Variants in ADAM2 observed in about 807,000 individuals in gnomAD.
ADAM2 encodes the protein disintegrin and metalloproteinase domain-containing protein 2.
In ADAM2, 101 loss-of-function variants were observed where a neutral mutation model predicts 99.3. The observed-to-expected ratio is 1.02, with a 90% CI of 0.87 to 1.20. The LOEUF is 1.20. ADAM2 is among the 50% of genes most tolerant of loss of function. The pLI is 0.00. For synonymous variants in ADAM2, 323 were observed against 287.6 expected, an observed-to-expected ratio of 1.12 and a Z score of -1.25; for missense variants, 948 against 878.7, an observed-to-expected ratio of 1.08 and a Z score of -1.00.
intron 11 of ADAM2, among the ~76,000 whole-genome samples, chr8:39,775,959 A>G (rs1428574397): frequency 1.3e-5 from 2 of 152,106 alleles, no homozygotes; most frequent in African/African-American, 4.8e-5. Flanking sequence ...CCAATAGCCC[A>G]TTGGAAGCTA....
intron 10 of ADAM2, among the ~76,000 whole-genome samples, chr8:39,785,421 C>T (rs527415600): frequency 6.6e-6 from 1 of 152,280 alleles, no homozygotes; most frequent in Non-Finnish European, 1.5e-5. Context: ...GTTAGGGGGA[C>T]TAGAATTAGT....
chr8:39,777,602 T>A (rs1010327366), intron 10 of ADAM2, among the ~76,000 whole-genome samples: 7 of 151,982 alleles, frequency 4.6e-5, no homozygotes, highest in African/African-American at 1.7e-4. Flanking sequence ...TTAAATAGAA[T>A]AAGGTCTAGT....
chr8:39,745,091 A>C (rs901065339), intron 19 of ADAM2, among the ~76,000 whole-genome samples, 198 bp from the exon 20 acceptor site: 5 of 152,144 alleles, frequency 3.3e-5, no homozygotes, highest in Non-Finnish European at 7.4e-5. Context: ...GCATCAGTGA[A>C]TATGAAAAAA....
intron 15 of ADAM2, among the ~76,000 whole-genome samples, chr8:39,760,722 A>G (rs1169553638): frequency 2.1e-5 from 3 of 141,770 alleles, no homozygotes; most frequent in Non-Finnish European, 4.5e-5. Context: ...CTCCTTCAAA[A>G]AAATAAAATA....
intron 15 of ADAM2, 97 bp from the exon 16 acceptor site, chr8:39,756,008 G>A (rs2129583339): frequency 1.5e-6 from 1 of 687,102 alleles, no homozygotes; most frequent in Non-Finnish European, 2.2e-6. Flanking sequence ...AGTATTCAAG[G>A]TTTGCAAGCT....
At chr8:39,798,818 T>G (rs2129586229) in intron 7 of ADAM2, among the ~76,000 whole-genome samples, 1 of 152,318 alleles carries the variant, frequency 6.6e-6, no homozygotes, top group South Asian at 2.1e-4. Flanking sequence ...CTCTCCAGTT[T>G]TTTTTGCATA....
intron 4 of ADAM2, among the ~76,000 whole-genome samples, chr8:39,822,837 C>T (rs776335070): frequency 5.9e-5 from 9 of 151,738 alleles, no homozygotes; most frequent in Non-Finnish European, 1.0e-4. Flanking sequence ...GGCGTGATCT[C>T]GGCTCACTGC....
intron 11 of ADAM2, among the ~76,000 whole-genome samples, chr8:39,773,738 T>C (rs1328473844): frequency 6.6e-6 from 1 of 151,460 alleles, no homozygotes; most frequent in East Asian, 1.9e-4. Context: ...CAAAAAGAGT[T>C]ATCCAGTTCC....
chr8:39,755,754 C>A lies in ADAM2; in HGVS notation c.1771G>T (p.Asp591Tyr). 6.2e-7 allele frequency: 1 copy of A among 1,613,120 alleles called. No homozygotes were observed. Among genetic ancestry groups the A allele is most frequent in the Non-Finnish European group, 8.5e-7 (1 of 1,179,610 alleles). The change falls in exon 16 of 21, where the codon GAT (aspartate) becomes TAT (tyrosine). Residue 591 changes from aspartate (D) to tyrosine (Y), a missense_variant. Transcript: ENST00000265708. ...TTATTTGAACCACAAGAAGTTCCAT[C>A]TTTTATCCACATCTTTTGGCTGTCT... ...HADSQKMWIK[D>Y]GTSCGSNKVC...
At chr8:39,829,160 A>G (rs1805522566) in intron 3 of ADAM2, among the ~76,000 whole-genome samples, 1 of 151,948 alleles carries the variant, frequency 6.6e-6, no homozygotes, top group Admixed American at 6.6e-5. Context: ...GAAAGGTAAA[A>G]CTAAAAATAT....
At chr8:39,783,806 G>T (rs1018267772) in intron 10 of ADAM2, among the ~76,000 whole-genome samples, 6 of 151,962 alleles carry the variant, frequency 3.9e-5, no homozygotes, top group African/African-American at 1.2e-4. Context: ...CAAACAATTA[G>T]CCAGGCATGG....
chr8:39,828,563 A>C (rs1202974387), intron 3 of ADAM2, among the ~76,000 whole-genome samples: 1 of 151,894 alleles, frequency 6.6e-6, no homozygotes, highest in Non-Finnish European at 1.5e-5. Flanking sequence ...TTCCAAAATC[A>C]TGTGAAAATT....
chr8:39,788,245 C>A lies in ADAM2; in HGVS notation c.649G>T (p.Val217Phe). 1.3e-6 allele frequency: 2 copies of A among 1,497,752 alleles called. No individual in the cohort carries two copies. Among genetic ancestry groups the A allele is most frequent in the Non-Finnish European group, 1.8e-6 (2 of 1,117,068 alleles). 92.8% of individuals were successfully genotyped at this position (1,497,752 alleles called of 1,614,324 possible). A position where few individuals can be genotyped will look rare whatever the true frequency, so the allele number is the denominator to read the frequency against. The change falls in exon 9 of 21, where the codon GTT becomes TTT. Residue 217 changes from valine (V) to phenylalanine (F), a missense_variant. Transcript: ENST00000265708. ...QLIGLTNAIF[V>F]SFNITIILSS... is the part of the protein sequence containing the mutation. ...AGAATAATTGTAATATTAAATGAAA[C>A]AAAAATCTAAAATAGAAAACATACA...
chr8:39,784,473 T>G (rs1365116690), intron 10 of ADAM2, among the ~76,000 whole-genome samples: 4 of 152,142 alleles, frequency 2.6e-5, no homozygotes, highest in Non-Finnish European at 4.4e-5. Context: ...CTTGAACTCC[T>G]AGGCTCAAGT....
In ADAM2 at chr8:39,834,004, C is replaced by T; in HGVS notation, c.133-5G>A. 2 of 1,534,962 alleles carry T rather than the reference C, an allele frequency of 1.3e-6. No homozygotes were observed. The highest frequency in any genetic ancestry group is 1.8e-6 in the Non-Finnish European group (2 of 1,115,648). On this transcript the variant is annotated splice_region_variant and splice_polypyrimidine_tract_variant and intron_variant, in intron 2 of 20. Coordinates refer to ENST00000265708, the MANE Select transcript of ADAM2 (RefSeq NM_001464.5). ...AATTACAATTTTGTAGGATGCCTGG[C>T]AGGAGAGCACAGTAAAAATACAAAG...
intron 16 of ADAM2, 144 bp from the exon 17 acceptor site, chr8:39,749,888 A>T (rs903317902): frequency 3.5e-6 from 2 of 566,416 alleles, no homozygotes; most frequent in African/African-American, 3.8e-5. Context: ...ACTAACAATG[A>T]ATAGTTAATG....
At chr8:39,824,105 G>A (rs111925945) in intron 4 of ADAM2, among the ~76,000 whole-genome samples, 31,102 of 151,792 alleles carry the variant, frequency 0.2, 3,214 homozygotes, top group African/African-American at 0.22. Context: ...CCAACATGGA[G>A]AAACCCTGTC....
intron 18 of ADAM2, among the ~76,000 whole-genome samples, chr8:39,747,757 A>G (rs1227310690): frequency 1.3e-5 from 2 of 152,136 alleles, no homozygotes; most frequent in Admixed American, 6.5e-5. Context: ...CATGAGTTCA[A>G]TTTTCCACAT....
rs183332277 is a variant in ADAM2 at position 39,793,805 on chromosome 8, G to A, written c.571-5065C>T. 7.2e-5 allele frequency among the ~76,000 whole-genome samples: 11 copies of A among 152,156 alleles called. No homozygotes were observed. In the East Asian group the frequency reaches 2.1e-3, roughly 29 times the overall value. On this transcript the variant is annotated intron_variant, in intron 7 of 20. Coordinates refer to ENST00000265708, the MANE Select transcript of ADAM2 (RefSeq NM_001464.5). Reference sequence around the variant, plus strand: ...CGAACTGGAGAATTTCTATTTGAGGGACATTAACTAAAGCTGCCATGTCAC... The same window carrying A: ...CGAACTGGAGAATTTCTATTTGAGGAACATTAACTAAAGCTGCCATGTCAC...
Sources: gnomAD v4.1 joint callset for allele counts (sites outside exome capture counted in the v4.1 genomes callset) on GRCh38, gnomAD v4.1.1 for gene constraint, MANE v1.5 for transcripts, NCBI Gene and HGNC (gene_info 2026-07-23, HGNC 2026-07-21) for gene names.